HCAR3: variants seen among roughly 807,000 people sequenced by gnomAD.
HCAR3 encodes the protein hydroxycarboxylic acid receptor 3, also known as G-protein coupled receptor 109B.
For synonymous variants in HCAR3, 167 were observed against 201.0 expected (o/e 0.83, Z 1.43); for missense variants, 404 against 501.2 (o/e 0.81, Z 1.85).
At position 122,715,285 on chromosome 12, in the gene HCAR3, C is replaced by G; in HGVS notation, c.*289G>C. 1 of 350,250 alleles carries G rather than the reference C, an allele frequency of 2.9e-6. No homozygotes were observed. The highest frequency in any genetic ancestry group is 3.3e-5 in the South Asian group (1 of 30,612). The allele number at this position is 350,250 out of a possible 1,614,324, so 21.7% of individuals were successfully genotyped here. A position where few individuals can be genotyped will look rare whatever the true frequency, so the allele number is the denominator to read the frequency against. On this transcript the variant is annotated 3_prime_UTR_variant, in exon 1 of 1. Transcript: ENST00000528880. ...AGCAGGCTAGATATCACCCCAGGAGCTGAGCCCCCTCCAGTCTGAGGCAGA... is the reference window on the plus strand; with the variant it reads ...AGCAGGCTAGATATCACCCCAGGAGGTGAGCCCCCTCCAGTCTGAGGCAGA...
Position 122,714,772 on chromosome 12 carries a change from T to G in HCAR3, c.*802A>C, listed in dbSNP as rs990223895. 1 of 151,640 alleles carries G rather than the reference T, an allele frequency of 6.6e-6. No homozygotes were observed. Among genetic ancestry groups the G allele is most frequent in the African/African-American group, 2.4e-5 (1 of 41,172 alleles). 9.4% of individuals were successfully genotyped at this position (151,640 alleles called of 1,614,324 possible). A position where few individuals can be genotyped will look rare whatever the true frequency, so the allele number is the denominator to read the frequency against. On this transcript the variant is annotated 3_prime_UTR_variant, in exon 1 of 1. Coordinates refer to ENST00000528880, the MANE Select transcript of HCAR3 (RefSeq NM_006018.3). ...ACGCCAGACTGTCTCCTATCAAAATTTATTGAAATGGTAGATTTTTGGTAA... is the reference window on the plus strand; with the variant it reads ...ACGCCAGACTGTCTCCTATCAAAATGTATTGAAATGGTAGATTTTTGGTAA...
rs1156457624 is a variant in HCAR3, at chr12:122,715,525, T to G, written c.*49A>C. On this transcript the variant is annotated 3_prime_UTR_variant, in exon 1 of 1. Coordinates refer to ENST00000528880, the MANE Select transcript of HCAR3 (RefSeq NM_006018.3). ...TCTGCCACAGTTTCCCTAAATCAGATTCTCTGAATCTGGAAGTTCCAGGAA... is the reference window on the plus strand; with the variant it reads ...TCTGCCACAGTTTCCCTAAATCAGAGTCTCTGAATCTGGAAGTTCCAGGAA... 1 of 1,525,930 alleles carries G rather than the reference T, an allele frequency of 6.6e-7. No individual in the cohort carries two copies. Among genetic ancestry groups the G allele is most frequent in the Non-Finnish European group, 8.8e-7 (1 of 1,133,632 alleles). 94.5% of individuals were successfully genotyped at this position (1,525,930 alleles called of 1,614,324 possible).
rs1159098588 is a variant in HCAR3 at position 122,716,780 on chromosome 12, T to G, written c.-43A>C. On this transcript the variant is annotated 5_prime_UTR_variant, in exon 1 of 1. Transcript: ENST00000528880. ...CCGATGGAGCGCCTCGCCTAGTGAA[T>G]GCTCCAGCAAAGTGGCGTGTGTCTG... 6.2e-7 allele frequency: 1 copy of G among 1,600,192 alleles called. No individual in the cohort carries two copies. Among genetic ancestry groups the G allele is most frequent in the Non-Finnish European group, 8.5e-7 (1 of 1,171,372 alleles).
At position 122,716,167 on chromosome 12, in the gene HCAR3, C is replaced by A. The variant is rs1877539942; in HGVS notation, c.571G>T (p.Ala191Ser). ...SICHTFRWHE[A>S]MFLLEFFLPL... ...AGGAAGAACTCCAGGAGGAACATAGCTTCGTGCCACCGGAAGGTATGGCAG... is the reference window on the plus strand; with the variant it reads ...AGGAAGAACTCCAGGAGGAACATAGATTCGTGCCACCGGAAGGTATGGCAG... The change falls in exon 1 of 1, where the codon GCT becomes TCT. Residue 191 changes from alanine to serine, a missense_variant. Coordinates refer to ENST00000528880, the MANE Select transcript of HCAR3 (RefSeq NM_006018.3). 17 of 1,614,114 alleles carry A rather than the reference C, an allele frequency of 1.1e-5. No individual in the cohort carries two copies. Among genetic ancestry groups the A allele is most frequent in the Non-Finnish European group, 1.4e-5 (16 of 1,180,018 alleles).
Position 122,716,082 on chromosome 12 carries a change from T to A in HCAR3, c.656A>T (p.Gln219Leu). Residue 219 changes from glutamine (Q) to leucine (L), a missense_variant, in exon 1 of 1, where the codon CAA becomes CTA. By Grantham distance (113) the Gln-to-Leu change is moderately radical. Coordinates refer to ENST00000528880, the MANE Select transcript of HCAR3 (RefSeq NM_006018.3). ...ARIIWSLRQRQMDRHAKIKRA... is the reference protein window; with the variant it reads ...ARIIWSLRQRLMDRHAKIKRA... Reference sequence around the variant, plus strand: ...CTTGATCTTGGCATGCCGGTCCATTTGTCTCTGCCGCAGGCTCCAGATAAT... The same window carrying A: ...CTTGATCTTGGCATGCCGGTCCATTAGTCTCTGCCGCAGGCTCCAGATAAT... 1 of 1,612,286 alleles carries A rather than the reference T, an allele frequency of 6.2e-7. No individual in the cohort carries two copies. Among genetic ancestry groups the A allele is most frequent in the South Asian group, 1.1e-5 (1 of 91,018 alleles).
chr12:122,716,436 C>G lies in HCAR3; in HGVS notation c.302G>C (p.Arg101Pro). 1.2e-6 allele frequency: 2 copies of G among 1,614,002 alleles called. No homozygotes were observed. Among genetic ancestry groups the G allele is most frequent in the South Asian group, 2.2e-5 (2 of 91,064 alleles). The part of the protein sequence containing the change: ...SDWKFGDIPC[R>P]LVLFMFAMNR... ...CATGGCAAACATGAAGAGCACCAGC[C>G]GGCAAGGGATGTCCCCAAACTTCCA... is the stretch of plus-strand genomic sequence containing the variant. The change falls in exon 1 of 1, where the codon CGG (arginine) becomes CCG (proline). Residue 101 changes from arginine to proline, a missense_variant. Physicochemically the swap from Arg to Pro is moderately radical, Grantham distance 103 (BLOSUM62 -2). Transcript: ENST00000528880.
At position 122,716,708 on chromosome 12, in the gene HCAR3, A is replaced by G; in HGVS notation, c.30T>C (p.Phe10=). 1.2e-6 allele frequency: 2 copies of G among 1,614,014 alleles called. No homozygotes were observed. The highest frequency in any genetic ancestry group is 1.7e-6 in the Non-Finnish European group (2 of 1,180,002). The change falls in exon 1 of 1, where the codon TTT becomes TTC. Residue 10 remains phenylalanine, a synonymous_variant. Transcript: ENST00000528880. MNRHHLQDH[F]LEIDKKNCCV... ...AGCAGTTCTTCTTGTCTATTTCCAG[A>G]AAGTGATCCTGCAGATGGTGCCGAT...
At position 122,715,829 on chromosome 12, in the gene HCAR3, G is replaced by A. The variant is rs1302342012; in HGVS notation, c.909C>T (p.Asn303=). The change falls in exon 1 of 1, where the codon AAC becomes AAT. Residue 303 remains asparagine, a synonymous_variant. Transcript: ENST00000528880. ...AGCGGTTGATCAAAGTGGAGAAGAA[G>A]TTGGGAAAGGATGGGCTGGAGAAGT... The part of the protein sequence containing the change: ...VYYFSSPSFP[N]FFSTLINRCL... 8.1e-6 allele frequency: 13 copies of A among 1,597,888 alleles called. No individual in the cohort carries two copies.
chr12:122,715,612 C>T lies in HCAR3; in HGVS notation c.1126G>A (p.Ala376Thr). 6.2e-7 allele frequency: 1 copy of T among 1,613,102 alleles called. No individual in the cohort carries two copies. The highest frequency in any genetic ancestry group is 8.5e-7 in the Non-Finnish European group (1 of 1,179,690). The stretch of plus-strand genomic sequence containing the variant: ...CAGCCCAACTGTTTCTCCAGAGATG[C>T]TGGTTCTTGGTGACAATGTCCCTTC... ...SKKGHCHQEPASLEKQLGCCI... is the reference protein window; with the variant it reads ...SKKGHCHQEPTSLEKQLGCCI... The change falls in exon 1 of 1, where the codon GCA becomes ACA. Residue 376 changes from alanine (A) to threonine (T), a missense_variant. Ala to Thr is a moderately conservative substitution (Grantham distance 58). Transcript: ENST00000528880.
Position 122,716,681 on chromosome 12 carries a change from A to C in HCAR3, c.57T>G (p.Cys19Trp), listed in dbSNP as rs748402120. Residue 19 changes from cysteine (C) to tryptophan (W), a missense_variant, in exon 1 of 1, where the codon TGT (cysteine) becomes TGG (tryptophan). Transcript: ENST00000528880. ...HFLEIDKKNC[C>W]VFRDDFIAKV... ...TGGCAATGAAGTCATCTCGGAACAC[A>C]CAGCAGTTCTTCTTGTCTATTTCCA... 14 of 1,613,966 alleles carry C rather than the reference A, an allele frequency of 8.7e-6. No homozygotes were observed. In the Admixed American group the frequency reaches 2.3e-4, roughly 27 times the overall value.
chr12:122,716,018 A>C lies in HCAR3; in HGVS notation c.720T>G (p.Phe240Leu), dbSNP rs1166002892. The C allele has an allele frequency of 1.9e-6, 3 of 1,598,444 alleles. No individual in the cohort carries two copies. In the Admixed American group the frequency reaches 5.0e-5, roughly 27 times the overall value. ...ITFIMVVAIVFVICFLPSVVV... is the reference protein window; with the variant it reads ...ITFIMVVAIVLVICFLPSVVV... ...CCACGCTGGGAAGGAAGCAGATGACAAAGACGATGGCCACCACCATGATGA... is the reference window on the plus strand; with the variant it reads ...CCACGCTGGGAAGGAAGCAGATGACCAAGACGATGGCCACCACCATGATGA... The change falls in exon 1 of 1, where the codon TTT becomes TTG. Residue 240 changes from phenylalanine to leucine, a missense_variant. Transcript: ENST00000528880.
Position 122,716,402 on chromosome 12 carries a change from C to G in HCAR3, c.336G>C (p.Gln112His). The G allele has an allele frequency of 6.2e-7, 1 of 1,614,058 alleles. No homozygotes were observed. Among genetic ancestry groups the G allele is most frequent in the South Asian group, 1.1e-5 (1 of 91,064 alleles). The part of the protein sequence containing the change: ...LVLFMFAMNR[Q>H]GSIIFLTVVA... ...CCACCGTGAGGAATATGATGCTGCC[C>G]TGGCGGTTCATGGCAAACATGAAGA... is the stretch of plus-strand genomic sequence containing the variant. The change falls in exon 1 of 1, where the codon CAG (glutamine) becomes CAC (histidine). Residue 112 changes from glutamine (Q) to histidine (H), a missense_variant. Gln to His is a conservative substitution (Grantham distance 24). Coordinates refer to ENST00000528880, the MANE Select transcript of HCAR3 (RefSeq NM_006018.3).
Position 122,715,655 on chromosome 12 carries a change from G to A in HCAR3, c.1083C>T (p.Thr361=), listed in dbSNP as rs1229030589. 1 of 1,613,952 alleles carries A rather than the reference G, an allele frequency of 6.2e-7. No individual in the cohort carries two copies. Among genetic ancestry groups the A allele is most frequent in the Non-Finnish European group, 8.5e-7 (1 of 1,180,038 alleles). The part of the protein sequence containing the change: ...EPWSPSYLGP[T]SNNHSKKGHC... ...GTCCCTTCTTGGAATGGTTATTTGA[G>A]GTTGGGCCCAGATAAGAGGGGCTCC... The change falls in exon 1 of 1, where the codon ACC becomes ACT. Residue 361 remains threonine (T), a synonymous_variant. Transcript: ENST00000528880.
Position 122,715,632 on chromosome 12 carries a change from C to G in HCAR3, c.1106G>C (p.Gly369Ala), listed in dbSNP as rs778649887. 1.2e-6 allele frequency: 2 copies of G among 1,613,944 alleles called. No homozygotes were observed. The highest frequency in any genetic ancestry group is 1.7e-5 in the Admixed American group (1 of 59,962). Residue 369 changes from glycine (G) to alanine (A), a missense_variant, in exon 1 of 1, where the codon GGA (glycine) becomes GCA (alanine). Physicochemically the swap from Gly to Ala is moderately conservative, Grantham distance 60. Transcript: ENST00000528880. The part of the protein sequence containing the change: ...GPTSNNHSKK[G>A]HCHQEPASLE... ...AGATGCTGGTTCTTGGTGACAATGT[C>G]CCTTCTTGGAATGGTTATTTGAGGT...
At position 122,716,645 on chromosome 12, in the gene HCAR3, C is replaced by T. The variant is rs751372302; in HGVS notation, c.93G>A (p.Pro31=). ...FRDDFIAKVL[P]PVLGLEFIFG... ...AGATAAACTCCAGCCCCAACACCGG[C>T]GGCAACACCTTGGCAATGAAGTCAT... The change falls in exon 1 of 1, where the codon CCG becomes CCA. Residue 31 remains proline (P), a synonymous_variant. Coordinates refer to ENST00000528880, the MANE Select transcript of HCAR3 (RefSeq NM_006018.3). 1.1e-5 allele frequency: 17 copies of T among 1,614,080 alleles called. No homozygotes were observed. The highest frequency in any genetic ancestry group is 1.6e-4 in the Middle Eastern group (1 of 6,062).
At position 122,716,770 on chromosome 12, in the gene HCAR3, G is replaced by A. The variant is rs752986518; in HGVS notation, c.-33C>T. The A allele has an allele frequency of 3.1e-6, 5 of 1,603,340 alleles. No homozygotes were observed. The highest frequency in any genetic ancestry group is 2.2e-5 in the East Asian group (1 of 44,782). On this transcript the variant is annotated 5_prime_UTR_variant, in exon 1 of 1. Transcript: ENST00000528880. ...GCTAGTGAGTCCGATGGAGCGCCTCGCCTAGTGAATGCTCCAGCAAAGTGG... is the reference window on the plus strand; with the variant it reads ...GCTAGTGAGTCCGATGGAGCGCCTCACCTAGTGAATGCTCCAGCAAAGTGG...
rs139948644 is a variant in HCAR3, at chr12:122,715,469, C to T, written c.*105G>A. On this transcript the variant is annotated 3_prime_UTR_variant, in exon 1 of 1. Coordinates refer to ENST00000528880, the MANE Select transcript of HCAR3 (RefSeq NM_006018.3). The stretch of plus-strand genomic sequence containing the variant: ...ACTCTCTGTTCCTCCAGGATTCCTG[C>T]GGTCACACCTTGCAACCAGTCTCCC... The T allele has an allele frequency of 0.025, 30,900 of 1,240,340 alleles. 500 individuals are homozygous for T. The highest frequency in any genetic ancestry group is 0.029 in the Non-Finnish European group (25,852 of 883,608). 76.8% of individuals were successfully genotyped at this position (1,240,340 alleles called of 1,614,324 possible).
In HCAR3 at chr12:122,715,572, C is replaced by A. The variant is rs1236415599; in HGVS notation, c.*2G>T. On this transcript the variant is annotated 3_prime_UTR_variant, in exon 1 of 1. Transcript: ENST00000528880. ...GGAAATCTTAGGCCGAGTCCAGTGA[C>A]ATTACTCGATGCAACAGCCCAACTG... 6.3e-6 allele frequency: 10 copies of A among 1,576,696 alleles called. No homozygotes were observed. The highest frequency in any genetic ancestry group is 1.4e-5 in the African/African-American group (1 of 73,388).
chr12:122,716,103 A>G lies in HCAR3; in HGVS notation c.635T>C (p.Ile212Thr), dbSNP rs1336331418. Residue 212 changes from isoleucine to threonine, a missense_variant, in exon 1 of 1, where the codon ATC becomes ACC. Ile to Thr is a moderately conservative substitution (Grantham distance 89, BLOSUM62 -1). Coordinates refer to ENST00000528880, the MANE Select transcript of HCAR3 (RefSeq NM_006018.3). ...GIILFCSARIIWSLRQRQMDR... is the reference protein window; with the variant it reads ...GIILFCSARITWSLRQRQMDR... ...CATTTGTCTCTGCCGCAGGCTCCAG[A>G]TAATTCTGGCTGAGCAGAACAGGAT... 1.2e-6 allele frequency: 2 copies of G among 1,613,418 alleles called. No homozygotes were observed. Among genetic ancestry groups the G allele is most frequent in the Non-Finnish European group, 1.7e-6 (2 of 1,179,754 alleles).
Sources: allele counts gnomAD v4.1 joint callset, GRCh38; gene constraint gnomAD v4.1.1; transcripts MANE v1.5; gene names NCBI Gene and HGNC (gene_info 2026-07-23, HGNC 2026-07-21).